DBNL: variants seen among roughly 807,000 people sequenced by gnomAD.
The protein encoded by DBNL is drebrin-like protein.
Under a neutral mutation model 62.2 loss-of-function variants are expected in DBNL, and 35 were observed. The observed-to-expected ratio is 0.56, with a 90% CI of 0.43 to 0.75. The LOEUF (loss-of-function observed/expected upper bound fraction) is 0.75, where lower values mean the gene tolerates loss of function less well. DBNL is among the 30% of genes least tolerant of loss of function. The pLI is 0.00. For missense variants in DBNL, 495 were observed against 578.4 expected, an observed-to-expected ratio of 0.86 and a Z score of 1.48; for synonymous variants, 197 against 218.0, an observed-to-expected ratio of 0.90 and a Z score of 0.85.
chr7:44,052,298 C>T (rs975916462), intron 3 of DBNL, among the ~76,000 whole-genome samples: 2 of 151,906 alleles, frequency 1.3e-5, no homozygotes, highest in South Asian at 2.1e-4. Context: ...CCTCCTTGAT[C>T]CCTTGGTGGG....
At position 44,065,485 on chromosome 7, in the gene DBNL, T is replaced by C. The variant is rs142350623; in HGVS notation, c.*4569T>C. ...CACAGAAACGGTTCTCCTGGTTCCA[T>C]GTGCTCTCGCCGTGCCGGACCATCA... On this transcript the variant is annotated 3_prime_UTR_variant, in exon 13 of 13. Coordinates refer to ENST00000448521, the MANE Select transcript of DBNL (RefSeq NM_001014436.3). 1 of 1,614,134 alleles carries C rather than the reference T, an allele frequency of 6.2e-7. No homozygotes were observed. Among genetic ancestry groups the C allele is most frequent in the Non-Finnish European group, 8.5e-7 (1 of 1,180,044 alleles).
chr7:44,057,966 A>G lies in DBNL; in HGVS notation c.552+107A>G. ...GCAGCATCCACTCTCCTTGGTGCCC[A>G]TTACAGATGGTCACACTGAGGCTCG... On this transcript the variant is annotated intron_variant, in intron 6 of 12. Coordinates refer to ENST00000448521, the MANE Select transcript of DBNL (RefSeq NM_001014436.3). 2.6e-6 allele frequency: 4 copies of G among 1,552,370 alleles called. No individual in the cohort carries two copies. In the Admixed American group the frequency reaches 5.7e-5, roughly 22 times the overall value.
Position 44,064,793 on chromosome 7 carries a change from G to GCCCCC in DBNL, c.*3880_*3881insCCCCC. ...AGATGAGAAGCCAGCTGGGGCTGCT[G>GCCCCC]CCCACCCACCCTGCCCAGGCTCCTG... On this transcript the variant is annotated 3_prime_UTR_variant, in exon 13 of 13. Transcript: ENST00000448521. The GCCCCC allele has an allele frequency of 8.8e-7, 1 of 1,136,978 alleles. No homozygotes were observed. The highest frequency in any genetic ancestry group is 1.3e-6 in the Non-Finnish European group (1 of 773,396). The allele number at this position is 1,136,978 out of a possible 1,614,324, so 70.4% of individuals were successfully genotyped here. A position where few individuals can be genotyped will look rare whatever the true frequency, so the allele number is the denominator to read the frequency against.
At chr7:44,058,326 T>C (rs748349710) in intron 7 of DBNL, 46 bp downstream of exon 7, 3 of 1,591,354 alleles carry the variant, frequency 1.9e-6, no homozygotes, top group African/African-American at 1.3e-5. Context: ...CCCTGAGGCA[T>C]TGCTGGGCAC....
Position 44,064,806 on chromosome 7 carries a change from G to GGC in DBNL, c.*3890_*3891insGC. On this transcript the variant is annotated 3_prime_UTR_variant, in exon 13 of 13. Transcript: ENST00000448521. ...GCTGGGGCTGCTGCCCACCCACCCTGCCCAGGCTCCTGAAGGTGGCCTCAC... is the reference window on the plus strand; with the variant it reads ...GCTGGGGCTGCTGCCCACCCACCCTGGCCCCAGGCTCCTGAAGGTGGCCTCAC... 1 of 787,480 alleles carries GGC rather than the reference G, an allele frequency of 1.3e-6. No homozygotes were observed. The highest frequency in any genetic ancestry group is 2.0e-6 in the Non-Finnish European group (1 of 499,670). 48.8% of individuals were successfully genotyped at this position (787,480 alleles called of 1,614,324 possible).
chr7:44,055,475 C>A (rs886629166), intron 4 of DBNL, among the ~76,000 whole-genome samples: 10 of 152,144 alleles, frequency 6.6e-5, no homozygotes, highest in African/African-American at 2.2e-4. Flanking sequence ...CAGAAAAAAA[C>A]CCAAAAAACC....
At chr7:44,053,051 T>A in intron 4 of DBNL, 110 bp downstream of exon 4, 1 of 1,358,808 alleles carries the variant, frequency 7.4e-7, no homozygotes, top group Non-Finnish European at 1.0e-6. Flanking sequence ...GGGAGTGTGC[T>A]CATAGCTAAT....
intron 1 of DBNL, 134 bp downstream of exon 1, chr7:44,044,954 C>A: frequency 2.6e-6 from 2 of 769,282 alleles, no homozygotes; most frequent in Non-Finnish European, 3.8e-6. Flanking sequence ...TGGGGCTTAC[C>A]TGTCTGCCCC....
intron 1 of DBNL, among the ~76,000 whole-genome samples, chr7:44,048,457 T>C (rs2096121061): frequency 6.6e-6 from 1 of 152,244 alleles, no homozygotes; most frequent in African/African-American, 2.4e-5. Flanking sequence ...GTTTCTCTCC[T>C]GTATTCTGTC....
Position 44,062,653 on chromosome 7 carries a change from C to T in DBNL, c.*1737C>T, listed in dbSNP as rs1488573471. 3.4e-6 allele frequency: 4 copies of T among 1,180,912 alleles called. No individual in the cohort carries two copies. The highest frequency in any genetic ancestry group is 3.0e-5 in the African/African-American group (2 of 66,294). 73.2% of individuals were successfully genotyped at this position (1,180,912 alleles called of 1,614,324 possible). A position where few individuals can be genotyped will look rare whatever the true frequency, so the allele number is the denominator to read the frequency against. Reference sequence around the variant, plus strand: ...TGGAGTGGGGGAGGGTGGGTGGCTGCACCCCTGGTTCTGGAGTCCCCACAG... The same window carrying T: ...TGGAGTGGGGGAGGGTGGGTGGCTGTACCCCTGGTTCTGGAGTCCCCACAG... On this transcript the variant is annotated 3_prime_UTR_variant, in exon 13 of 13. Transcript: ENST00000448521.
rs2096158980 is a variant in DBNL, at chr7:44,065,816, G to A, written c.*4900G>A. 5.6e-6 allele frequency: 3 copies of A among 534,874 alleles called. No individual in the cohort carries two copies. The African/African-American group carries it at 5.7e-5, about 10-fold the overall frequency. 33.1% of individuals were successfully genotyped at this position (534,874 alleles called of 1,614,324 possible). On this transcript the variant is annotated 3_prime_UTR_variant, in exon 13 of 13. Coordinates refer to ENST00000448521, the MANE Select transcript of DBNL (RefSeq NM_001014436.3). ...GCACCCAGAGCCCAGACTGAGTGGG[G>A]CTGCTGGTCAGGGATGGGCGTGAAG...
At position 44,061,996 on chromosome 7, in the gene DBNL, T is replaced by A. The variant is rs143490301; in HGVS notation, c.*1080T>A. On this transcript the variant is annotated 3_prime_UTR_variant, in exon 13 of 13. Transcript: ENST00000448521. The stretch of plus-strand genomic sequence containing the variant: ...CAGCTTCAGGGAGCCTCTGCCTACA[T>A]GGGATGGCCCACTGTGTGGCGTCAG... The A allele has an allele frequency of 6.6e-3, 1,007 of 153,238 alleles. 5 individuals carry two copies. Among genetic ancestry groups the A allele is most frequent in the Non-Finnish European group, 9.6e-3 (660 of 68,768 alleles). 9.5% of individuals were successfully genotyped at this position (153,238 alleles called of 1,614,324 possible).
chr7:44,047,227 T>C (rs2096118892), intron 1 of DBNL, among the ~76,000 whole-genome samples: 2 of 152,248 alleles, frequency 1.3e-5, no homozygotes, highest in Non-Finnish European at 2.9e-5. Flanking sequence ...GGGTGGGCTC[T>C]GTCTCTGTCC....
At chr7:44,048,354 C>T (rs1046709535) in intron 1 of DBNL, among the ~76,000 whole-genome samples, 6 of 152,272 alleles carry the variant, frequency 3.9e-5, no homozygotes, top group African/African-American at 1.4e-4. Flanking sequence ...TTCCCCCCAG[C>T]TCATGCTGGC....
rs538033787 is a variant in DBNL at position 44,061,764 on chromosome 7, T to C, written c.*848T>C. The stretch of plus-strand genomic sequence containing the variant: ...CTCGCAGCTCTCACCTGTCCTGCTG[T>C]AGCCTGAATGCTCCCATGTGGGAAT... On this transcript the variant is annotated 3_prime_UTR_variant, in exon 13 of 13. Transcript: ENST00000448521. 3 of 152,472 alleles carry C rather than the reference T, an allele frequency of 2.0e-5. No individual in the cohort carries two copies. The highest frequency in any genetic ancestry group is 2.1e-4 in the South Asian group (1 of 4,830). 9.4% of individuals were successfully genotyped at this position (152,472 alleles called of 1,614,324 possible). A position where few individuals can be genotyped will look rare whatever the true frequency, so the allele number is the denominator to read the frequency against.
chr7:44,051,778 C>G (rs1056302540), intron 2 of DBNL, 52 bp from the exon 3 acceptor site: 5 of 1,577,318 alleles, frequency 3.2e-6, no homozygotes, highest in Non-Finnish European at 4.4e-6. Flanking sequence ...GGGACCAGGG[C>G]CAGCAGGGAA....
At position 44,062,282 on chromosome 7, in the gene DBNL, G is replaced by A. The variant is rs948428985; in HGVS notation, c.*1366G>A. ...CCAGGTTTGGGCTGTTGCCAGCTTTGAGGCCCCCTGTGGGCTTGCCTGTCC... is the reference window on the plus strand; with the variant it reads ...CCAGGTTTGGGCTGTTGCCAGCTTTAAGGCCCCCTGTGGGCTTGCCTGTCC... On this transcript the variant is annotated 3_prime_UTR_variant, in exon 13 of 13. Coordinates refer to ENST00000448521, the MANE Select transcript of DBNL (RefSeq NM_001014436.3). 8 of 193,228 alleles carry A rather than the reference G, an allele frequency of 4.1e-5. No homozygotes were observed. Among genetic ancestry groups the A allele is most frequent in the African/African-American group, 1.9e-4 (8 of 43,136 alleles). 12.0% of individuals were successfully genotyped at this position (193,228 alleles called of 1,614,324 possible). A position where few individuals can be genotyped will look rare whatever the true frequency, so the allele number is the denominator to read the frequency against.
At position 44,059,995 on chromosome 7, in the gene DBNL, C is replaced by T. The variant is rs1034887938; in HGVS notation, c.1048-53C>T. ...ACCTGAGCCATGTGGGGCAGAGCAG[C>T]GATTGTGTGTAAGGGCTGAGTCTGG... On this transcript the variant is annotated intron_variant, in intron 11 of 12. Transcript: ENST00000448521. The surrounding 1 kb of genome is among the most constrained non-coding windows in gnomAD (Gnocchi z 4.1). 10 of 1,555,730 alleles carry T rather than the reference C, an allele frequency of 6.4e-6. No homozygotes were observed. In the South Asian group the frequency reaches 8.0e-5, roughly 12 times the overall value.
At position 44,046,102 on chromosome 7, in the gene DBNL, GT is replaced by G. The variant is rs1212651742; in HGVS notation, c.83+1285del. Among the ~76,000 whole-genome samples the G allele has an allele frequency of 2.0e-5, 3 of 152,122 alleles. No individual in the cohort carries two copies. The East Asian group carries it at 5.8e-4, about 29-fold the overall frequency. Reference sequence around the variant, plus strand: ...TTGCCTCTCTCCTATTCCTGTTCGTGTTTCTCTTAGACCTCTCCTGTTACTT... The same window carrying G: ...TTGCCTCTCTCCTATTCCTGTTCGTGTTCTCTTAGACCTCTCCTGTTACTT... On this transcript the variant is annotated intron_variant, in intron 1 of 12. Transcript: ENST00000448521.
Sources: gnomAD v4.1 joint callset for allele counts (sites outside exome capture counted in the v4.1 genomes callset) on GRCh38, gnomAD v4.1.1 for gene constraint, Gnocchi (gnomAD v3.1) non-coding constraint, MANE v1.5 for transcripts, NCBI Gene and HGNC (gene_info 2026-07-23, HGNC 2026-07-21) for gene names.